Variants in CIDEB observed in about 807,000 individuals in gnomAD.
CIDEB encodes lipid transferase CIDEB.
Under a neutral mutation model 22.4 loss-of-function variants are expected in CIDEB, and 27 were observed. That is an observed-to-expected ratio of 1.21 (90% CI 0.89 to 1.66). The LOEUF (loss-of-function observed/expected upper bound fraction) is 1.66. Ranked by LOEUF, CIDEB falls within the 40% of genes most tolerant of loss-of-function variation. The pLI, the probability that CIDEB is intolerant of heterozygous loss-of-function variation, is 0.00. For missense variants in CIDEB, 289 were observed against 268.7 expected, an observed-to-expected ratio of 1.08 and a Z score of -0.53; for synonymous variants, 103 against 109.5, an observed-to-expected ratio of 0.94 and a Z score of 0.37.
upstream of CIDEB, chr14:24,310,864 C>T (rs774033100): frequency 8.2e-6 from 13 of 1,591,412 alleles, no homozygotes; most frequent in African/African-American, 1.2e-4. Context: ...CTGGCGCTGG[C>T]CGACGGCGCG....
Position 24,307,853 on chromosome 14 carries a change from C to G in CIDEB, c.6G>C (p.Glu2Asp). M[E>D]YLSALNPSDL... The stretch of plus-strand genomic sequence containing the variant: ...CACTGGGGTTCAGAGCTGAGAGGTA[C>G]TCCATGGTGGACCGGAGAGTTCCTT... The change falls in exon 1 of 5, where the codon GAG (glutamate) becomes GAC (aspartate). Residue 2 changes from glutamate to aspartate, a missense_variant. By Grantham distance (45) the Glu-to-Asp change is conservative. Transcript: ENST00000554411. 1.9e-6 allele frequency: 3 copies of G among 1,592,856 alleles called. No homozygotes were observed. The highest frequency in any genetic ancestry group is 2.6e-6 in the Non-Finnish European group (3 of 1,169,198).
chr14:24,306,912 G>T, intron 2 of CIDEB: 1 of 289,322 alleles, frequency 3.5e-6, no homozygotes, highest in Non-Finnish European at 6.7e-6. Flanking sequence ...TAACCTTTTT[G>T]AGTCCTTACT....
chr14:24,306,194 C>A (rs1240672974), intron 3 of CIDEB, 57 bp from the exon 4 acceptor site: 1 of 1,571,408 alleles, frequency 6.4e-7, no homozygotes, highest in African/African-American at 1.3e-5. Context: ...CACCACTAAT[C>A]TCCATCAGCA....
At chr14:24,311,407 C>T (rs1425027730), upstream of CIDEB, 29 of 1,601,540 alleles carry the variant, frequency 1.8e-5, no homozygotes, top group Non-Finnish European at 2.0e-5. Context: ...CTTCTGCAGG[C>T]GGTCGCAGCG....
At chr14:24,307,239 CGCT>C in intron 2 of CIDEB, 129 bp downstream of exon 2, 3 of 998,904 alleles carry the variant, frequency 3.0e-6, no homozygotes, top group Non-Finnish European at 3.0e-6. Context: ...AGGCCCACTC[CGCT>C]GCTTTTAGCC....
Position 24,307,495 on chromosome 14 carries a change from G to A in CIDEB, c.62C>T (p.Ser21Leu), listed in dbSNP as rs747631367. 8.1e-6 allele frequency: 13 copies of A among 1,613,776 alleles called. No homozygotes were observed. Among genetic ancestry groups the A allele is most frequent in the African/African-American group, 4.0e-5 (3 of 74,876 alleles). ...DLLRSVSNIS[S>L]EFGRRVWTSA... Reference sequence around the variant, plus strand: ...GGTCCAGACCCTCCGTCCAAACTCCGAGCTTATATTAGATACTGACCTGGT... The same window carrying A: ...GGTCCAGACCCTCCGTCCAAACTCCAAGCTTATATTAGATACTGACCTGGT... The change falls in exon 2 of 5, where the codon TCG (serine) becomes TTG (leucine). Residue 21 changes from serine to leucine, a missense_variant. By Grantham distance (145) the Ser-to-Leu change is moderately radical. Coordinates refer to ENST00000554411, the MANE Select transcript of CIDEB (RefSeq NM_001393339.1).
chr14:24,306,409 C>T lies in CIDEB; in HGVS notation c.301G>A (p.Val101Met). The change falls in exon 3 of 5, where the codon GTG becomes ATG. Residue 101 changes from valine to methionine, a missense_variant. By Grantham distance (21) the Val-to-Met change is conservative. Transcript: ENST00000554411. ...CTCCAGCTCTGACCAGACTGCAACA[C>T]CATCAGGCACGTGTCATCCTCCAGC... is the stretch of plus-strand genomic sequence containing the variant. ...QLLEDDTCLM[V>M]LQSGQSWSPT... 1 of 1,614,246 alleles carries T rather than the reference C, an allele frequency of 6.2e-7. No homozygotes were observed. Among genetic ancestry groups the T allele is most frequent in the South Asian group, 1.1e-5 (1 of 91,092 alleles).
At chr14:24,310,803 G>GGCTGGCGGCCTGCACGGGGGCGACC, upstream of CIDEB, 2 of 1,602,826 alleles carry the variant, frequency 1.2e-6, no homozygotes, top group Non-Finnish European at 1.7e-6. Flanking sequence ...GAGCTTGGCG[G>GGCTGGCGGCCTGCACGGGGGCGACC]GCTGGCGGCC....
chr14:24,309,088 A>G (rs1435787167), upstream of CIDEB: 3 of 152,278 alleles, frequency 2.0e-5, no homozygotes, highest in Non-Finnish European at 4.4e-5. Flanking sequence ...TAGCCCACTC[A>G]TTAAGTACAT....
rs2041459922 is a variant in CIDEB at position 24,305,205 on chromosome 14, T to C, written c.*428A>G. On this transcript the variant is annotated 3_prime_UTR_variant, in exon 5 of 5. Coordinates refer to ENST00000554411, the MANE Select transcript of CIDEB (RefSeq NM_001393339.1). ...AGAAGTCTTAGTGGTAAATATTTGA[T>C]ATTTTTATTGGAAATGTTTTTGTTA... 8.8e-7 allele frequency: 1 copy of C among 1,138,998 alleles called. No individual in the cohort carries two copies. The highest frequency in any genetic ancestry group is 1.6e-5 in the African/African-American group (1 of 62,288). 70.6% of individuals were successfully genotyped at this position (1,138,998 alleles called of 1,614,324 possible). A position where few individuals can be genotyped will look rare whatever the true frequency, so the allele number is the denominator to read the frequency against.
upstream of CIDEB, chr14:24,311,146 A>C: frequency 6.3e-7 from 1 of 1,595,680 alleles, no homozygotes; most frequent in Non-Finnish European, 8.5e-7. Flanking sequence ...GTCTACCGCC[A>C]CCTGTGGAGG....
At chr14:24,310,507 G>A, upstream of CIDEB, 2 of 808,056 alleles carry the variant, frequency 2.5e-6, no homozygotes, top group South Asian at 2.9e-5. Flanking sequence ...TGGGGTCTGG[G>A]TCCTCGTGGA....
chr14:24,311,060 G>A (rs774320192), upstream of CIDEB: 117 of 1,566,368 alleles, frequency 7.5e-5, no homozygotes, highest in Non-Finnish European at 1.0e-4. Context: ...CGCCTCGGCT[G>A]CGCAGCCCGG....
At chr14:24,311,227 C>T (rs2041692345), upstream of CIDEB, 2 of 1,609,028 alleles carry the variant, frequency 1.2e-6, no homozygotes, top group Admixed American at 3.4e-5. Flanking sequence ...GAGACTCTGA[C>T]CGCTTTCGTG....
intron 4 of CIDEB, 50 bp downstream of exon 4, chr14:24,305,897 G>A (rs776718726): frequency 6.3e-7 from 1 of 1,589,778 alleles, no homozygotes; most frequent in Non-Finnish European, 8.6e-7. Context: ...CGAATTATGG[G>A]GACTATCCAA....
Position 24,305,592 on chromosome 14 carries a change from G to A in CIDEB, c.*41C>T. Reference sequence around the variant, plus strand: ...TGATGCTGTCATAGTCTTTGCAGTGGGTCGGTTGGAATGATTCTGGGGGCA... The same window carrying A: ...TGATGCTGTCATAGTCTTTGCAGTGAGTCGGTTGGAATGATTCTGGGGGCA... On this transcript the variant is annotated 3_prime_UTR_variant, in exon 5 of 5. Transcript: ENST00000554411. The A allele has an allele frequency of 6.3e-7, 1 of 1,590,764 alleles. No homozygotes were observed. The highest frequency in any genetic ancestry group is 8.6e-7 in the Non-Finnish European group (1 of 1,169,288).
intron 2 of CIDEB, chr14:24,307,139 G>A (rs571063972): frequency 5.1e-5 from 21 of 410,748 alleles, no homozygotes; most frequent in Admixed American, 1.2e-4. Context: ...TCTGAATTCT[G>A]TCCCTCGAAC....
upstream of CIDEB, chr14:24,310,412 A>G: frequency 1.6e-6 from 1 of 644,858 alleles, no homozygotes; most frequent in Admixed American, 2.6e-5. Flanking sequence ...TTTACCACTG[A>G]GCTCTGGGAA....
upstream of CIDEB, chr14:24,309,274 A>C (rs983533543): frequency 3.3e-5 from 5 of 152,050 alleles, no homozygotes; most frequent in Non-Finnish European, 1.5e-5. Flanking sequence ...CAAATACAGG[A>C]TCACCTGTAC....
Sources: allele counts gnomAD v4.1 joint callset, GRCh38; gene constraint gnomAD v4.1.1; transcripts MANE v1.5; gene names NCBI Gene and HGNC (gene_info 2026-07-23, HGNC 2026-07-21).